Variants in NENF observed in about 807,000 individuals in gnomAD.
NENF encodes the protein neudesin.
NENF carries 6 observed loss-of-function variants against 14.8 expected under a neutral mutation model. The ratio of observed to expected loss-of-function variants is 0.40; its 90% CI spans 0.22 to 0.80. The LOEUF (loss-of-function observed/expected upper bound fraction) is 0.80, where lower values mean the gene tolerates loss of function less well. NENF is among the 30% of genes least tolerant of loss of function. The pLI is 0.34. For synonymous variants in NENF, 76 were observed against 95.1 expected, an observed-to-expected ratio of 0.80 and a Z score of 1.17; for missense variants, 184 against 212.7, an observed-to-expected ratio of 0.87 and a Z score of 0.84.
chr1:212,438,233 G>T (rs1662639851), intron 1 of NENF, among the ~76,000 whole-genome samples: 1 of 152,228 alleles, frequency 6.6e-6, no homozygotes, highest in African/African-American at 2.4e-5. Context: ...GCCCTGATAG[G>T]TAGAGATATT....
chr1:212,433,166 T>G lies in NENF; in HGVS notation c.177+46T>G. ...CCGAGGGACCCGGGGTGGCGTCCGATCTGCGGCGAGCCGAGCGGGGACCCA... is the reference window on the plus strand; with the variant it reads ...CCGAGGGACCCGGGGTGGCGTCCGAGCTGCGGCGAGCCGAGCGGGGACCCA... On this transcript the variant is annotated intron_variant, in intron 1 of 3. Coordinates refer to ENST00000366988, the MANE Select transcript of NENF (RefSeq NM_013349.5). The surrounding 1 kb of genome is among the most constrained non-coding windows in gnomAD (Gnocchi z 5.5). The G allele has an allele frequency of 9.1e-7, 1 of 1,104,552 alleles. No homozygotes were observed. The highest frequency in any genetic ancestry group is 1.1e-6 in the Non-Finnish European group (1 of 893,088). The allele number at this position is 1,104,552 out of a possible 1,614,324, so 68.4% of individuals were successfully genotyped here.
intron 1 of NENF, among the ~76,000 whole-genome samples, chr1:212,440,949 C>T (rs1662689585): frequency 6.6e-6 from 1 of 152,200 alleles, no homozygotes; most frequent in Non-Finnish European, 1.5e-5. Flanking sequence ...GCTGATGCCC[C>T]TGCACCTCTG....
At chr1:212,439,896 A>G in intron 1 of NENF, among the ~76,000 whole-genome samples, 1 of 151,798 alleles carries the variant, frequency 6.6e-6, no homozygotes, top group Non-Finnish European at 1.5e-5. Context: ...TAGTGATAAG[A>G]TGCATGTTTT....
rs1662542096 is a variant in NENF at position 212,432,996 on chromosome 1, T to TGGTCCTGGCGCTGGCCCC, written c.56_73dup (p.Val19_Pro24dup). On this transcript the variant is annotated inframe_insertion, in exon 1 of 4. Transcript: ENST00000366988. ...CTGCGGCCGCTGGCAGCGCTGGCCC[T>TGGTCCTGGCGCTGGCCCC]GGTCCTGGCGCTGGCCCCGGGGCTG... is the stretch of plus-strand genomic sequence containing the variant. 1 of 1,140,188 alleles carries TGGTCCTGGCGCTGGCCCC rather than the reference T, an allele frequency of 8.8e-7. No homozygotes were observed. Among genetic ancestry groups the TGGTCCTGGCGCTGGCCCC allele is most frequent in the South Asian group, 4.3e-5 (1 of 23,424 alleles). 70.6% of individuals were successfully genotyped at this position (1,140,188 alleles called of 1,614,324 possible).
intron 1 of NENF, among the ~76,000 whole-genome samples, chr1:212,439,094 C>G (rs1662653465): frequency 6.6e-6 from 1 of 152,058 alleles, no homozygotes; most frequent in Non-Finnish European, 1.5e-5. Context: ...TAAGACCATT[C>G]CTCTGCATGG....
In NENF at chr1:212,446,257, G is replaced by T; in HGVS notation, c.*251G>T. 2.3e-6 allele frequency: 1 copy of T among 441,140 alleles called. No homozygotes were observed. The allele number at this position is 441,140 out of a possible 1,614,324, so 27.3% of individuals were successfully genotyped here. A position where few individuals can be genotyped will look rare whatever the true frequency, so the allele number is the denominator to read the frequency against. Reference sequence around the variant, plus strand: ...ACCTCCTAGATGTCAGTATCAGCTGGCTGGGCAGTGGAATTTTGAGCGACC... The same window carrying T: ...ACCTCCTAGATGTCAGTATCAGCTGTCTGGGCAGTGGAATTTTGAGCGACC... On this transcript the variant is annotated 3_prime_UTR_variant, in exon 4 of 4. Transcript: ENST00000366988.
At chr1:212,436,925 A>T (rs1662609323) in intron 1 of NENF, among the ~76,000 whole-genome samples, 1 of 115,348 alleles carries the variant, frequency 8.7e-6, no homozygotes, top group African/African-American at 4.5e-5. Context: ...CACCTCTACC[A>T]AAAAAAAAAA....
chr1:212,445,804 G>C, intron 3 of NENF, 26 bp from the exon 4 acceptor site: 1 of 1,612,698 alleles, frequency 6.2e-7, no homozygotes, highest in Non-Finnish European at 8.5e-7. Flanking sequence ...CCCATCTCCT[G>C]TCTTTCTTGG....
chr1:212,444,908 G>A (rs144820151), intron 3 of NENF, among the ~76,000 whole-genome samples: 1 of 152,124 alleles, frequency 6.6e-6, no homozygotes, highest in Non-Finnish European at 1.5e-5. Context: ...ACTGGGTTGG[G>A]AAGAAAGGTC....
intron 1 of NENF, among the ~76,000 whole-genome samples, chr1:212,440,251 C>CAAAA (rs371489983): frequency 4.6e-5 from 4 of 87,048 alleles, no homozygotes; most frequent in Admixed American, 1.4e-4. Context: ...GACTCTGTCT[C>CAAAA]AAAAAAAAAA....
In NENF at chr1:212,433,250, G is replaced by A. The variant is rs907413460; in HGVS notation, c.177+130G>A. ...CGCGCGGCCCGCGGCGGGCGCCCTG[G>A]GCCGGCGGGGGGCCTCCTCTCTCTA... is the stretch of plus-strand genomic sequence containing the variant. On this transcript the variant is annotated intron_variant, in intron 1 of 3. Coordinates refer to ENST00000366988, the MANE Select transcript of NENF (RefSeq NM_013349.5). This position sits in a 1 kb window ranked among gnomAD's most constrained non-coding sequence, Gnocchi z 5.5. 2.6e-5 allele frequency: 11 copies of A among 431,292 alleles called. No individual in the cohort carries two copies. Among genetic ancestry groups the A allele is most frequent in the African/African-American group, 2.1e-4 (10 of 47,434 alleles). The allele number at this position is 431,292 out of a possible 1,614,324, so 26.7% of individuals were successfully genotyped here.
intron 3 of NENF, 57 bp downstream of exon 3, chr1:212,444,499 C>CTCTTTT (rs1449103764): frequency 7.5e-6 from 9 of 1,204,846 alleles, no homozygotes; most frequent in East Asian, 2.5e-5. Flanking sequence ...ATGCCTTTTT[C>CTCTTTT]TCTTTTTCTT....
At chr1:212,439,919 G>A (rs1339007527) in intron 1 of NENF, among the ~76,000 whole-genome samples, 2 of 151,996 alleles carry the variant, frequency 1.3e-5, no homozygotes, top group Non-Finnish European at 2.9e-5. Flanking sequence ...TTTATCTTAT[G>A]TATGTGAATG....
At chr1:212,442,345 A>G (rs182960203) in intron 1 of NENF, among the ~76,000 whole-genome samples, 1 of 152,234 alleles carries the variant, frequency 6.6e-6, no homozygotes, top group African/African-American at 2.4e-5. Flanking sequence ...GAATTGCCAC[A>G]TTCTTGTCAT....
At chr1:212,434,031 C>A (rs1662565564) in intron 1 of NENF, among the ~76,000 whole-genome samples, 1 of 152,208 alleles carries the variant, frequency 6.6e-6, no homozygotes, top group Non-Finnish European at 1.5e-5. Context: ...AACCCTCTGG[C>A]CTGGTCTCGC....
chr1:212,444,047 CAAAA>C (rs201054525), intron 2 of NENF, among the ~76,000 whole-genome samples: 1 of 150,454 alleles, frequency 6.6e-6, no homozygotes, highest in Non-Finnish European at 1.5e-5. Context: ...GAGACCCTGT[CAAAA>C]AAAAACAACA....
Position 212,441,646 on chromosome 1 carries a change from C to T in NENF, c.178-919C>T, listed in dbSNP as rs189878814. 1.8e-4 allele frequency among the ~76,000 whole-genome samples: 28 copies of T among 152,102 alleles called. No individual in the cohort carries two copies. The East Asian group carries it at 4.6e-3, about 25-fold the overall frequency. ...CTAAAAAGACAAAAAATTAGCGGGG[C>T]GTGGTGGCGGGTGCCTGTAATCCCA... On this transcript the variant is annotated intron_variant, in intron 1 of 3. Transcript: ENST00000366988.
At chr1:212,443,824 A>G (rs1662733847) in intron 2 of NENF, among the ~76,000 whole-genome samples, 1 of 151,574 alleles carries the variant, frequency 6.6e-6, no homozygotes, top group South Asian at 2.1e-4. Flanking sequence ...TGGGCAGATC[A>G]TGTGAGCTCA....
rs1662540020 is a variant in NENF at position 212,432,934 on chromosome 1, C to T, written c.-10C>T. The T allele has an allele frequency of 5.4e-6, 4 of 734,006 alleles. No homozygotes were observed. Among genetic ancestry groups the T allele is most frequent in the Non-Finnish European group, 6.9e-6 (4 of 581,026 alleles). 45.5% of individuals were successfully genotyped at this position (734,006 alleles called of 1,614,324 possible). ...CCTGGCCCGGCCTTGCCTTGCGCTG[C>T]GCGCTCACCATGGTGGGCCCCGCGC... is the stretch of plus-strand genomic sequence containing the variant. On this transcript the variant is annotated 5_prime_UTR_variant, in exon 1 of 4. Coordinates refer to ENST00000366988, the MANE Select transcript of NENF (RefSeq NM_013349.5).
Sources: gnomAD v4.1 joint callset for allele counts (sites outside exome capture counted in the v4.1 genomes callset) on GRCh38, gnomAD v4.1.1 for gene constraint, Gnocchi (gnomAD v3.1) non-coding constraint, MANE v1.5 for transcripts, NCBI Gene and HGNC (gene_info 2026-07-23, HGNC 2026-07-21) for gene names.